Variants in FXYD1 observed in about 807,000 individuals in gnomAD.
FXYD1 encodes the protein phospholemman.
A neutral mutation model predicts 17.2 loss-of-function variants in FXYD1; 9 were observed. That is an observed-to-expected ratio of 0.52 (90% CI 0.32 to 0.91). The LOEUF (loss-of-function observed/expected upper bound fraction) is 0.91, where lower values mean the gene tolerates loss of function less well. FXYD1 is among the 40% of genes least tolerant of loss of function. FXYD1 has a pLI of 0.04. For missense variants in FXYD1, 113 were observed against 120.6 expected, an observed-to-expected ratio of 0.94 and a Z score of 0.29; for synonymous variants, 55 against 45.8, an observed-to-expected ratio of 1.20 and a Z score of -0.81.
chr19:35,142,864 G>T, intron 7 of FXYD1, 53 bp from the exon 8 acceptor site: 1 of 934,206 alleles, frequency 1.1e-6, no homozygotes. Context: ...GAAGGGCGGC[G>T]AGGGGTGGGG....
intron 5 of FXYD1, 29 bp downstream of exon 5, chr19:35,141,601 CCCGCTCCT>C (rs2065256875): frequency 6.3e-7 from 1 of 1,593,934 alleles, no homozygotes; most frequent in Non-Finnish European, 8.6e-7. Context: ...CCCTCCTTCG[CCCGCTCCT>C]GCTCTGGAGG....
chr19:35,140,689 T>C, intron 3 of FXYD1, 60 bp downstream of exon 3: 1 of 1,426,916 alleles, frequency 7.0e-7, no homozygotes, highest in Non-Finnish European at 9.9e-7. Flanking sequence ...GGTCCTTTGA[T>C]TCCCCCTCGC....
chr19:35,138,089 C>T (rs1165943270), upstream of FXYD1: 1 of 152,174 alleles, frequency 6.6e-6, no homozygotes, highest in East Asian at 1.9e-4. Context: ...GACTGTATCT[C>T]TGTGTGGCCA....
chr19:35,141,530 C>A lies in FXYD1; in HGVS notation c.170-6C>A. On this transcript the variant is annotated splice_polypyrimidine_tract_variant and splice_region_variant and intron_variant, in intron 4 of 7. Transcript: ENST00000351325. ...CTCAGCTTCTCCTACCTCTCCACGC[C>A]CACAGGCAGAAGATGCCGGTGCAAG... 6.2e-7 allele frequency: 1 copy of A among 1,609,536 alleles called. No homozygotes were observed. Among genetic ancestry groups the A allele is most frequent in the African/African-American group, 1.3e-5 (1 of 74,918 alleles).
rs1250166575 is a variant in FXYD1 at position 35,141,172 on chromosome 19, G to A, written c.135G>A (p.Gly45=). The stretch of plus-strand genomic sequence containing the variant: ...AGATCGGAGGCCTCGTCATCGCCGG[G>A]ATCCTCTTCATCCTGGGCATCCTCA... The part of the protein sequence containing the change: ...SLQIGGLVIA[G]ILFILGILIV... Residue 45 remains glycine, a synonymous_variant, in exon 4 of 8, where the codon GGG becomes GGA. Coordinates refer to ENST00000351325, the MANE Select transcript of FXYD1 (RefSeq NM_021902.4). 2 of 1,611,230 alleles carry A rather than the reference G, an allele frequency of 1.2e-6. No homozygotes were observed. Among genetic ancestry groups the A allele is most frequent in the Non-Finnish European group, 1.7e-6 (2 of 1,178,168 alleles).
At chr19:35,139,794 G>A (rs530676646) in intron 1 of FXYD1, 3 of 377,868 alleles carry the variant, frequency 7.9e-6, no homozygotes, top group South Asian at 6.3e-5. Flanking sequence ...GGGGCCTGCT[G>A]CGGGAGGTGG....
intron 3 of FXYD1, 124 bp from the exon 4 acceptor site, chr19:35,141,008 T>G: frequency 1.8e-6 from 1 of 541,694 alleles, no homozygotes; most frequent in South Asian, 1.7e-5. Context: ...TCCCCCTTAA[T>G]TATCTTACTT....
At chr19:35,142,091 C>T (rs2065261748) in intron 5 of FXYD1, among the ~76,000 whole-genome samples, 1 of 152,194 alleles carries the variant, frequency 6.6e-6, no homozygotes, top group South Asian at 2.1e-4. Context: ...CCCCATTTGA[C>T]AGATGAGGAA....
intron 5 of FXYD1, 132 bp from the exon 6 acceptor site, chr19:35,142,340 C>G (rs1307381469): frequency 1.4e-6 from 1 of 708,664 alleles, no homozygotes; most frequent in East Asian, 2.7e-5. Context: ...CTGGCGGACC[C>G]CGAGCCTGCT....
At chr19:35,142,586 C>A (rs1035132533) in intron 6 of FXYD1, 65 bp downstream of exon 6, 2 of 1,556,580 alleles carry the variant, frequency 1.3e-6, no homozygotes, top group Non-Finnish European at 1.8e-6. Flanking sequence ...CTTTTCCCGG[C>A]CCTCCCTGGC....
At chr19:35,142,665 C>T in intron 6 of FXYD1, 55 bp from the exon 7 acceptor site, 2 of 1,590,722 alleles carry the variant, frequency 1.3e-6, no homozygotes, top group Non-Finnish European at 1.7e-6. Flanking sequence ...CCCCACCTGC[C>T]CAGGAGCTGG....
chr19:35,141,482 C>CT (rs1415645716), intron 4 of FXYD1, 54 bp from the exon 5 acceptor site: 1 of 1,515,204 alleles, frequency 6.6e-7, no homozygotes, highest in Admixed American at 1.8e-5. Flanking sequence ...TACAGCGCCG[C>CT]TTGGCGCCCG....
intron 2 of FXYD1, 24 bp downstream of exon 2, chr19:35,140,164 C>A: frequency 7.7e-7 from 1 of 1,295,086 alleles, no homozygotes; most frequent in Non-Finnish European, 1.1e-6. Flanking sequence ...AGGCTGCCCG[C>A]TACCCACCTC....
chr19:35,142,833 A>AG (rs1199180286), intron 7 of FXYD1, 62 bp downstream of exon 7: 8 of 1,284,360 alleles, frequency 6.2e-6, no homozygotes, highest in Non-Finnish European at 8.9e-6. Context: ...CGGGAGAGGG[A>AG]GGGGGCCAAG....
At chr19:35,140,529 G>A in intron 2 of FXYD1, 68 bp from the exon 3 acceptor site, 1 of 1,397,436 alleles carries the variant, frequency 7.2e-7, no homozygotes, top group Non-Finnish European at 1.0e-6. Context: ...GCCTCCAGTG[G>A]TCTCCTCATG....
At chr19:35,138,451 T>C (rs1329889903), upstream of FXYD1, 4 of 152,176 alleles carry the variant, frequency 2.6e-5, no homozygotes, top group Admixed American at 2.0e-4. Context: ...AGCACTGGGA[T>C]CGGGGGTCAG....
intron 7 of FXYD1, 61 bp downstream of exon 7, chr19:35,142,832 G>T: frequency 1.5e-6 from 2 of 1,336,284 alleles, no homozygotes; most frequent in Middle Eastern, 1.8e-4. Context: ...GCGGGAGAGG[G>T]AGGGGGCCAA....
At chr19:35,140,050 T>C (rs1436079892) in intron 1 of FXYD1, 26 bp from the exon 2 acceptor site, 2 of 1,608,432 alleles carry the variant, frequency 1.2e-6, no homozygotes, top group South Asian at 2.2e-5. Flanking sequence ...GGGCACACAC[T>C]GCCTAATCCG....
At position 35,143,068 on chromosome 19, in the gene FXYD1, CGG is replaced by C; in HGVS notation, c.*182_*183del. ...CCTCTCGACAGCACTTTGTCGGTCT[CGG>C]TCCCTCAGCGCGAAACGCCAGCGCC... is the stretch of plus-strand genomic sequence containing the variant. On this transcript the variant is annotated 3_prime_UTR_variant, in exon 8 of 8. Coordinates refer to ENST00000351325, the MANE Select transcript of FXYD1 (RefSeq NM_021902.4). The surrounding 1 kb of genome is among the most constrained non-coding windows in gnomAD (Gnocchi z 4.3). 1 of 547,914 alleles carries C rather than the reference CGG, an allele frequency of 1.8e-6. No homozygotes were observed. The highest frequency in any genetic ancestry group is 3.2e-6 in the Non-Finnish European group (1 of 311,872). The allele number at this position is 547,914 out of a possible 1,614,324, so 33.9% of individuals were successfully genotyped here.
Sources: allele counts gnomAD v4.1 joint callset (sites outside exome capture counted in the v4.1 genomes callset), GRCh38; gene constraint gnomAD v4.1.1; non-coding constraint Gnocchi (gnomAD v3.1); transcripts MANE v1.5; gene names NCBI Gene and HGNC (gene_info 2026-07-23, HGNC 2026-07-21).